VTI1B: variants seen among roughly 807,000 people sequenced by gnomAD.
VTI1B encodes vesicle transport through interaction with t-SNAREs homolog 1B.
Under a neutral mutation model 28.6 loss-of-function variants are expected in VTI1B, and 18 were observed. That is an observed-to-expected ratio of 0.63 (90% confidence interval 0.43 to 0.93). The LOEUF is 0.93. Ranked by LOEUF, VTI1B falls within the 40% of genes least tolerant of loss-of-function variation. VTI1B has a pLI of 0.00. For missense variants in VTI1B, 283 were observed against 297.0 expected, an observed-to-expected ratio of 0.95 and a Z score of 0.35; for synonymous variants, 100 against 107.9, an observed-to-expected ratio of 0.93 and a Z score of 0.46.
At chr14:67,654,390 A>C (rs2037228324) in intron 4 of VTI1B, among the ~76,000 whole-genome samples, 2 of 151,868 alleles carry the variant, frequency 1.3e-5, no homozygotes, top group Admixed American at 1.3e-4. Context: ...CCATCCTCCC[A>C]CCTCAGCCTC....
rs2037387716 is a variant in VTI1B at position 67,665,299 on chromosome 14, G to A, written c.116-2764C>T. ...TTTTTGAGACAGTCTCACTCAGGCT[G>A]GAGTGAAGTGGCATGATTACGGCTC... On this transcript the variant is annotated intron_variant, in intron 1 of 5. Transcript: ENST00000554659. 2.1e-5 allele frequency among the ~76,000 whole-genome samples: 3 copies of A among 140,854 alleles called. No homozygotes were observed. In the South Asian group the frequency reaches 6.6e-4, roughly 31 times the overall value. 92.4% of individuals were successfully genotyped at this position (140,854 alleles called of 152,430 possible).
In VTI1B at chr14:67,647,741, T is replaced by C. The variant is rs1299822870; in HGVS notation, c.*3644A>G. ...TCATCTAGAAGTGAAGAAATCTCTCTATTGACAGTTATTAGTATAAGAGGT... is the reference window on the plus strand; with the variant it reads ...TCATCTAGAAGTGAAGAAATCTCTCCATTGACAGTTATTAGTATAAGAGGT... On this transcript the variant is annotated 3_prime_UTR_variant, in exon 6 of 6. Coordinates refer to ENST00000554659, the MANE Select transcript of VTI1B (RefSeq NM_006370.3). 4.0e-6 allele frequency: 1 copy of C among 248,992 alleles called. No homozygotes were observed. The highest frequency in any genetic ancestry group is 7.7e-6 in the Non-Finnish European group (1 of 130,244). 15.4% of individuals were successfully genotyped at this position (248,992 alleles called of 1,614,324 possible).
At chr14:67,652,910 C>T (rs1274596780) in intron 5 of VTI1B, among the ~76,000 whole-genome samples, 1 of 152,150 alleles carries the variant, frequency 6.6e-6, no homozygotes, top group Non-Finnish European at 1.5e-5. Context: ...TCTGTCTCAG[C>T]CTCCTGAGTA....
chr14:67,664,791 T>C (rs1209615766), intron 1 of VTI1B, among the ~76,000 whole-genome samples: 1 of 152,218 alleles, frequency 6.6e-6, no homozygotes, highest in East Asian at 1.9e-4. Context: ...GCCGGGCTTA[T>C]GGAGAAATGG....
intron 1 of VTI1B, among the ~76,000 whole-genome samples, chr14:67,663,657 G>C (rs180922978): frequency 6.6e-6 from 1 of 152,192 alleles, no homozygotes; most frequent in Non-Finnish European, 1.5e-5. Context: ...CTGGGCGACA[G>C]AGGGAGACTC....
chr14:67,656,218 C>T (rs1014339488), intron 4 of VTI1B, among the ~76,000 whole-genome samples, 198 bp downstream of exon 4: 45 of 150,758 alleles, frequency 3.0e-4, no homozygotes, highest in African/African-American at 1.0e-3. Context: ...TGCACTCCAG[C>T]CTGGGTGACA....
At chr14:67,663,479 C>T (rs2037364420) in intron 1 of VTI1B, among the ~76,000 whole-genome samples, 1 of 151,984 alleles carries the variant, frequency 6.6e-6, no homozygotes, top group Admixed American at 6.6e-5. Flanking sequence ...CGAGACCATC[C>T]TGCCTAACAC....
At chr14:67,659,618 G>C in intron 3 of VTI1B, 113 bp downstream of exon 3, 1 of 1,090,348 alleles carries the variant, frequency 9.2e-7, no homozygotes, top group East Asian at 2.8e-5. Context: ...TGAAAAAAAT[G>C]AAACAAGAGT....
chr14:67,659,085 C>T (rs1417494073), intron 3 of VTI1B, among the ~76,000 whole-genome samples: 2 of 152,182 alleles, frequency 1.3e-5, no homozygotes, highest in African/African-American at 4.8e-5. Context: ...TCTAGCTGCT[C>T]TAGATGGTTT....
At chr14:67,674,272 G>A in intron 1 of VTI1B, 103 bp downstream of exon 1, 1 of 1,108,242 alleles carries the variant, frequency 9.0e-7, no homozygotes, top group Non-Finnish European at 1.2e-6. Context: ...TGAGGACGCG[G>A]AGGGAGGAGA....
chr14:67,651,316 A>G lies in VTI1B; in HGVS notation c.*69T>C, dbSNP rs1402958000. 5 of 1,609,748 alleles carry G rather than the reference A, an allele frequency of 3.1e-6. No homozygotes were observed. In the African/African-American group the frequency reaches 4.0e-5, roughly 13 times the overall value. On this transcript the variant is annotated 3_prime_UTR_variant, in exon 6 of 6. Coordinates refer to ENST00000554659, the MANE Select transcript of VTI1B (RefSeq NM_006370.3). The stretch of plus-strand genomic sequence containing the variant: ...CCCACAGCAGCAATATGCTTATTCT[A>G]TCCACATCCCTAACATCATGCATTC...
chr14:67,673,100 T>G (rs896570740), intron 1 of VTI1B, among the ~76,000 whole-genome samples: 2 of 152,202 alleles, frequency 1.3e-5, no homozygotes, highest in East Asian at 3.8e-4. Flanking sequence ...TATTTAAAAC[T>G]GAAGTCCCAA....
chr14:67,671,061 G>A (rs577803134), intron 1 of VTI1B, among the ~76,000 whole-genome samples: 6 of 152,266 alleles, frequency 3.9e-5, no homozygotes, highest in African/African-American at 1.2e-4. Flanking sequence ...TCAGAGATGA[G>A]GCACCATGTG....
intron 1 of VTI1B, among the ~76,000 whole-genome samples, chr14:67,669,436 C>CA (rs1566817981): frequency 6.9e-6 from 1 of 144,712 alleles, no homozygotes; most frequent in East Asian, 2.0e-4. Context: ...CACTACTCAG[C>CA]TTTTTTTTTT....
chr14:67,647,968 C>A lies in VTI1B; in HGVS notation c.*3417G>T. ...TAATAGCAACAAAATCAAGGAGTTG[C>A]AACCATAAGAAGGATGAGTGTCCAA... is the stretch of plus-strand genomic sequence containing the variant. On this transcript the variant is annotated 3_prime_UTR_variant, in exon 6 of 6. Transcript: ENST00000554659. 7.3e-7 allele frequency: 1 copy of A among 1,378,478 alleles called. No homozygotes were observed. 85.4% of individuals were successfully genotyped at this position (1,378,478 alleles called of 1,614,324 possible).
chr14:67,657,751 CTTTTT>C (rs548633018), intron 3 of VTI1B, among the ~76,000 whole-genome samples: 2 of 115,128 alleles, frequency 1.7e-5, no homozygotes, highest in Non-Finnish European at 1.7e-5. Context: ...TTCTTTCTTT[CTTTTT>C]TTTTTTTTTT....
At chr14:67,671,927 C>G (rs1411210760) in intron 1 of VTI1B, among the ~76,000 whole-genome samples, 1 of 152,208 alleles carries the variant, frequency 6.6e-6, no homozygotes, top group African/African-American at 2.4e-5. Context: ...CTAATCATTT[C>G]TTATGGGTCC....
intron 4 of VTI1B, among the ~76,000 whole-genome samples, chr14:67,654,614 T>C (rs1011534787): frequency 3.9e-5 from 6 of 152,276 alleles, no homozygotes; most frequent in Middle Eastern, 3.4e-3. Context: ...ATTAAGAAAA[T>C]CTACTCAAAT....
At chr14:67,662,179 C>CAAAAA (rs112653537) in intron 2 of VTI1B, among the ~76,000 whole-genome samples, 1 of 141,684 alleles carries the variant, frequency 7.1e-6, no homozygotes, top group African/African-American at 2.6e-5. Context: ...ACAACAACAA[C>CAAAAA]AAAAAAAAAA....
Sources: allele counts gnomAD v4.1 joint callset (sites outside exome capture counted in the v4.1 genomes callset), GRCh38; gene constraint gnomAD v4.1.1; transcripts MANE v1.5; gene names NCBI Gene and HGNC (gene_info 2026-07-23, HGNC 2026-07-21).